The following PLOD2 variants were observed in gnomAD, a reference collection of about 807,000 sequenced individuals.
PLOD2 encodes the protein lysine hydroxylase 2.
Under a neutral mutation model 101.0 loss-of-function variants are expected in PLOD2, and 65 were observed. The observed-to-expected ratio is 0.64, with a 90% CI of 0.53 to 0.79. The LOEUF is 0.79. PLOD2 is among the 30% of genes least tolerant of loss of function. The pLI is 0.00. For synonymous variants in PLOD2, 314 were observed against 302.9 expected (o/e 1.04, Z -0.38); for missense variants, 909 against 914.6 (o/e 0.99, Z 0.08).
chr3:146,130,732 A>G (rs2030860500), intron 1 of PLOD2, among the ~76,000 whole-genome samples: 1 of 152,226 alleles, frequency 6.6e-6, no homozygotes, highest in South Asian at 2.1e-4. Flanking sequence ...GGCCAGAAGT[A>G]GAACTTCAGA....
At chr3:146,124,747 A>G (rs2030447954) in intron 1 of PLOD2, among the ~76,000 whole-genome samples, 1 of 152,130 alleles carries the variant, frequency 6.6e-6, no homozygotes, top group Non-Finnish European at 1.5e-5. Flanking sequence ...TTAAAACAAA[A>G]TCTTAATTTT....
At chr3:146,153,301 AT>A (rs953601738) in intron 1 of PLOD2, among the ~76,000 whole-genome samples, 6 of 152,208 alleles carry the variant, frequency 3.9e-5, no homozygotes, top group Admixed American at 2.0e-4. Flanking sequence ...TATTTGCAGA[AT>A]TTTTAAAGAT....
At chr3:146,144,729 C>T (rs902297648) in intron 1 of PLOD2, among the ~76,000 whole-genome samples, 103 of 151,880 alleles carry the variant, frequency 6.8e-4, no homozygotes, top group African/African-American at 2.4e-3. Flanking sequence ...ATATTCAATG[C>T]CATGGGAAAT....
intron 11 of PLOD2, among the ~76,000 whole-genome samples, chr3:146,082,770 CTA>C (rs1936607093): frequency 6.6e-6 from 1 of 152,076 alleles, no homozygotes; most frequent in Non-Finnish European, 1.5e-5. Context: ...TGGCACGCAC[CTA>C]TAATCCCAGC....
intron 1 of PLOD2, among the ~76,000 whole-genome samples, chr3:146,150,966 A>G (rs1409642392): frequency 6.6e-6 from 1 of 152,232 alleles, no homozygotes; most frequent in African/African-American, 2.4e-5. Context: ...AATTCTAGTT[A>G]TTCTTGGCCT....
chr3:146,128,578 A>T (rs1197366460), intron 1 of PLOD2, among the ~76,000 whole-genome samples: 8 of 152,132 alleles, frequency 5.3e-5, no homozygotes, highest in Non-Finnish European at 1.2e-4. Context: ...AAATGGCTGT[A>T]TATTTTGCTC....
intron 3 of PLOD2, among the ~76,000 whole-genome samples, chr3:146,114,906 T>C (rs2108077978): frequency 6.6e-6 from 1 of 152,266 alleles, no homozygotes; most frequent in East Asian, 1.9e-4. Context: ...GAGGGATGTC[T>C]TCATTAAAAT....
At chr3:146,088,734 AAAT>A in intron 8 of PLOD2, 23 bp from the exon 9 acceptor site, 1 of 1,570,502 alleles carries the variant, frequency 6.4e-7, no homozygotes. Context: ...CCAAACATAA[AAAT>A]AAAATTATCA....
At chr3:146,109,609 G>A (rs1034067166) in intron 4 of PLOD2, among the ~76,000 whole-genome samples, 1 of 152,086 alleles carries the variant, frequency 6.6e-6, no homozygotes, top group Admixed American at 6.5e-5. Context: ...ATCCTATTTG[G>A]TTATGTCTTT....
intron 12 of PLOD2, 42 bp from the exon 13 acceptor site, chr3:146,079,299 A>T: frequency 6.7e-7 from 1 of 1,485,906 alleles, no homozygotes; most frequent in Non-Finnish European, 9.3e-7. Context: ...CACAAATACA[A>T]ACAATTTTAA....
intron 2 of PLOD2, 77 bp from the exon 3 acceptor site, chr3:146,121,325 TCAACTTGAA>T: frequency 4.0e-6 from 5 of 1,235,430 alleles, no homozygotes; most frequent in Non-Finnish European, 6.0e-6. Context: ...AAAGACATCA[TCAACTTGAA>T]CAGTACTGTA....
intron 1 of PLOD2, among the ~76,000 whole-genome samples, chr3:146,151,983 T>C (rs1006504940): frequency 6.6e-6 from 1 of 152,216 alleles, no homozygotes; most frequent in Non-Finnish European, 1.5e-5. Flanking sequence ...AAAGTTGTAT[T>C]ATGAGGGAAT....
intron 1 of PLOD2, among the ~76,000 whole-genome samples, chr3:146,145,009 T>C (rs2031711435): frequency 6.6e-6 from 1 of 152,162 alleles, no homozygotes; most frequent in African/African-American, 2.4e-5. Context: ...AGTTATGCCA[T>C]CTTCATTAGA....
chr3:146,082,790 GA>G (rs1424082152), intron 11 of PLOD2, among the ~76,000 whole-genome samples: 4 of 152,248 alleles, frequency 2.6e-5, no homozygotes, highest in Admixed American at 2.0e-4. Flanking sequence ...AGCTAATCAA[GA>G]GGCTGACACA....
chr3:146,075,483 T>G (rs1936294727), intron 15 of PLOD2, among the ~76,000 whole-genome samples: 1 of 52,490 alleles, frequency 1.9e-5, no homozygotes, highest in Non-Finnish European at 3.7e-5. Flanking sequence ...ACCACTCAAA[T>G]CTGTAAAAAA....
chr3:146,082,838 T>C (rs566912716), intron 11 of PLOD2, among the ~76,000 whole-genome samples: 1 of 152,216 alleles, frequency 6.6e-6, no homozygotes, highest in South Asian at 2.1e-4. Context: ...GAGGTTGCAG[T>C]GAGCCAAGAT....
At chr3:146,074,247 T>A (rs983239474) in intron 15 of PLOD2, among the ~76,000 whole-genome samples, 2 of 151,530 alleles carry the variant, frequency 1.3e-5, no homozygotes, top group African/African-American at 4.8e-5. Flanking sequence ...TCCAAAAAGA[T>A]ATCTTCTGAA....
At chr3:146,128,075 G>A (rs4681299) in intron 1 of PLOD2, among the ~76,000 whole-genome samples, 62,205 of 152,008 alleles carry the variant, frequency 0.41, 13,132 homozygotes, top group East Asian at 0.56. Flanking sequence ...TCTTTTAGCA[G>A]ACTGACACAT....
At chr3:146,115,425 T>C (rs1416844699) in intron 3 of PLOD2, among the ~76,000 whole-genome samples, 2 of 152,146 alleles carry the variant, frequency 1.3e-5, no homozygotes, top group Non-Finnish European at 2.9e-5. Flanking sequence ...TGTCCTTCTG[T>C]GTTCCCTACT....
Sources: gnomAD v4.1 joint callset for allele counts (sites outside exome capture counted in the v4.1 genomes callset) on GRCh38, gnomAD v4.1.1 for gene constraint, MANE v1.5 for transcripts, NCBI Gene and HGNC (gene_info 2026-07-23, HGNC 2026-07-21) for gene names.